The following PYM1 variants were observed in gnomAD, a reference collection of about 807,000 sequenced individuals.
The protein encoded by PYM1 is PYM1 exon junction complex associated factor.
Under a neutral mutation model 20.7 loss-of-function variants are expected in PYM1, and 7 were observed. The ratio of observed to expected loss-of-function variants is 0.34; its 90% CI spans 0.19 to 0.64. The LOEUF (loss-of-function observed/expected upper bound fraction) is 0.64. Among genes scored for constraint, PYM1 ranks in the 30% least tolerant of loss-of-function variants. The pLI, the probability that PYM1 is intolerant of heterozygous loss-of-function variation, is 0.74. For synonymous variants in PYM1, 100 were observed against 99.2 expected (o/e 1.01, Z -0.05); for missense variants, 194 against 250.0 (o/e 0.78, Z 1.51).
rs1020432745 is a variant in PYM1, at chr12:55,918,247, G to A, written c.37+9478C>T. Among the ~76,000 whole-genome samples the A allele has an allele frequency of 2.6e-5, 4 of 151,724 alleles. No individual in the cohort carries two copies. The East Asian group carries it at 6.0e-4, about 23-fold the overall frequency. On this transcript the variant is annotated intron_variant, in intron 1 of 2. Coordinates refer to ENST00000408946, the MANE Select transcript of PYM1 (RefSeq NM_032345.3). ...CGAGTAGCTGGGACTACAGGTGCCC[G>A]CCACCATGCCCGGCTAAGTTTCTTT...
At chr12:55,926,935 G>A in intron 1 of PYM1, 2 of 877,606 alleles carry the variant, frequency 2.3e-6, no homozygotes, top group South Asian at 1.8e-5. Context: ...ACACCCCGTA[G>A]GAGAGAATGA....
chr12:55,924,575 G>C (rs1366007367), intron 1 of PYM1, among the ~76,000 whole-genome samples: 1 of 152,164 alleles, frequency 6.6e-6, no homozygotes, highest in Non-Finnish European at 1.5e-5. Context: ...TAAAAATGAA[G>C]TCTTCTGCCA....
intron 1 of PYM1, among the ~76,000 whole-genome samples, chr12:55,911,518 TTTC>T (rs1286153292): frequency 2.0e-5 from 3 of 152,144 alleles, no homozygotes; most frequent in African/African-American, 7.2e-5. Flanking sequence ...ATATTTTTAT[TTTC>T]TTGTTATGTC....
chr12:55,918,241 G>T (rs989852001), intron 1 of PYM1, among the ~76,000 whole-genome samples: 3 of 151,858 alleles, frequency 2.0e-5, no homozygotes, highest in Non-Finnish European at 2.9e-5. Flanking sequence ...GGGACTACAG[G>T]TGCCCGCCAC....
chr12:55,915,660 C>T (rs1009187930), intron 1 of PYM1, among the ~76,000 whole-genome samples: 1 of 151,040 alleles, frequency 6.6e-6, no homozygotes, highest in East Asian at 1.9e-4. Flanking sequence ...AATTTACAGA[C>T]TAAGTAAGGA....
intron 2 of PYM1, among the ~76,000 whole-genome samples, chr12:55,902,563 C>T (rs1701699): frequency 0.16 from 24,226 of 151,904 alleles, 2,227 homozygotes; most frequent in Admixed American, 0.21. Context: ...CTGCAACCTC[C>T]ACCTCCAGGG....
chr12:55,905,298 C>T (rs941385844), intron 1 of PYM1, among the ~76,000 whole-genome samples: 7 of 151,628 alleles, frequency 4.6e-5, no homozygotes, highest in Admixed American at 2.6e-4. Context: ...TGTGAGCCAC[C>T]GTGCCTGGCC....
intron 1 of PYM1, among the ~76,000 whole-genome samples, chr12:55,911,493 A>G (rs1208145173): frequency 6.6e-6 from 1 of 152,102 alleles, no homozygotes; most frequent in African/African-American, 2.4e-5. Context: ...GGCAAGAAAC[A>G]TGTTTTGGGG....
intron 1 of PYM1, among the ~76,000 whole-genome samples, chr12:55,926,817 C>T (rs921960510): frequency 6.6e-6 from 1 of 152,148 alleles, no homozygotes; most frequent in African/African-American, 2.4e-5. Context: ...TGGAGAAAAG[C>T]TAAGGGCCCG....
intron 1 of PYM1, among the ~76,000 whole-genome samples, chr12:55,903,715 G>A (rs749988218): frequency 4.5e-4 from 69 of 152,134 alleles, no homozygotes; most frequent in Non-Finnish European, 8.4e-4. Context: ...TTGTAGGTAA[G>A]ACAGGATAGG....
chr12:55,911,433 GA>G (rs1565716090), intron 1 of PYM1, among the ~76,000 whole-genome samples: 1 of 152,068 alleles, frequency 6.6e-6, no homozygotes, highest in Non-Finnish European at 1.5e-5. Flanking sequence ...ATTTTTTACA[GA>G]TGCAGTTTCC....
At chr12:55,902,768 C>A (rs1458222078) in intron 2 of PYM1, among the ~76,000 whole-genome samples, 1 of 147,946 alleles carries the variant, frequency 6.8e-6, no homozygotes, top group Non-Finnish European at 1.5e-5. Flanking sequence ...AGCCACTGCG[C>A]CTGCCTGTTT....
chr12:55,914,326 G>A, intron 1 of PYM1: 1 of 702,298 alleles, frequency 1.4e-6, no homozygotes, highest in Middle Eastern at 2.3e-4. Context: ...GTATCCAAGG[G>A]TGAAGTCAAA....
At chr12:55,921,865 G>C (rs1883103135) in intron 1 of PYM1, among the ~76,000 whole-genome samples, 1 of 152,064 alleles carries the variant, frequency 6.6e-6, no homozygotes, top group South Asian at 2.1e-4. Flanking sequence ...CTCCTGGGCA[G>C]AAAAATGCCA....
chr12:55,915,367 G>A (rs140962034), intron 1 of PYM1, among the ~76,000 whole-genome samples: 8 of 151,876 alleles, frequency 5.3e-5, no homozygotes, highest in South Asian at 2.1e-4. Context: ...AGAAAAGCAC[G>A]GTGGTAAAGA....
At chr12:55,903,589 A>C in intron 1 of PYM1, 109 bp from the exon 2 acceptor site, 1 of 997,544 alleles carries the variant, frequency 1.0e-6, no homozygotes, top group Non-Finnish European at 1.5e-6. Flanking sequence ...CATTCATCCA[A>C]ATGCAACCAT....
intron 1 of PYM1, among the ~76,000 whole-genome samples, chr12:55,905,850 T>TTATATATTAGATATA (rs1882791348): frequency 7.3e-5 from 7 of 96,076 alleles, no homozygotes; most frequent in East Asian, 2.7e-4. Context: ...GATATATATA[T>TTATATATTAGATATA]TATATATTAG....
chr12:55,914,173 C>T, intron 1 of PYM1: 1 of 633,704 alleles, frequency 1.6e-6, no homozygotes, highest in Non-Finnish European at 2.9e-6. Flanking sequence ...TTTAGGAGGA[C>T]TAAAGATAGA....
intron 1 of PYM1, among the ~76,000 whole-genome samples, chr12:55,920,748 A>G (rs896806874): frequency 3.9e-5 from 6 of 152,216 alleles, no homozygotes; most frequent in Non-Finnish European, 7.3e-5. Context: ...AAACAATCTA[A>G]AAGTCCAATA....
Sources: allele counts gnomAD v4.1 joint callset (sites outside exome capture counted in the v4.1 genomes callset), GRCh38; gene constraint gnomAD v4.1.1; transcripts MANE v1.5; gene names NCBI Gene and HGNC (gene_info 2026-07-23, HGNC 2026-07-21).